The following ZNF549 variants were observed in gnomAD, a reference collection of about 807,000 sequenced individuals.
The protein encoded by ZNF549 is zinc finger protein 549.
In ZNF549, 11 loss-of-function variants were observed where a neutral mutation model predicts 11.1. The observed-to-expected ratio is 0.99, with a 90% CI of 0.62 to 1.64. ZNF549 has a LOEUF of 1.64. ZNF549 is among the 40% of genes most tolerant of loss of function. The pLI, the probability that ZNF549 is intolerant of heterozygous loss-of-function variation, is 0.00. For missense variants in ZNF549, 748 were observed against 765.1 expected, an observed-to-expected ratio of 0.98 and a Z score of 0.26; for synonymous variants, 266 against 269.1, an observed-to-expected ratio of 0.99 and a Z score of 0.11.
intron 2 of ZNF549, among the ~76,000 whole-genome samples, chr19:57,534,712 G>A (rs1170101956): frequency 6.6e-6 from 1 of 152,200 alleles, no homozygotes; most frequent in Admixed American, 6.5e-5. Flanking sequence ...AAGATGTGAG[G>A]TGGTGCTGGA....
chr19:57,537,775 C>T lies in ZNF549; in HGVS notation c.771C>T (p.Asn257=), dbSNP rs1403186980. The T allele has an allele frequency of 3.1e-6, 5 of 1,614,020 alleles. No homozygotes were observed. The highest frequency in any genetic ancestry group is 4.2e-6 in the Non-Finnish European group (5 of 1,180,032). Residue 257 remains asparagine, a synonymous_variant, in exon 4 of 4, where the codon AAC becomes AAT. Coordinates refer to ENST00000376233, the MANE Select transcript of ZNF549 (RefSeq NM_001199295.2). ...YKRREYGKSL[N]SKYLFVEHQR... is the part of the protein sequence containing the mutation. The stretch of plus-strand genomic sequence containing the variant: ...GTAGGGAATATGGGAAATCCTTGAA[C>T]TCTAAATACTTATTTGTTGAACACC...
Position 57,537,794 on chromosome 19 carries a change from G to T in ZNF549, c.790G>T (p.Glu264Ter). ...KSLNSKYLFV[E>*]HQRTHNAEKP... is the part of the protein sequence containing the mutation. ...CTTGAACTCTAAATACTTATTTGTT[G>T]AACACCAGAGAACCCATAATGCAGA... is the stretch of plus-strand genomic sequence containing the variant. Residue 264 changes from glutamate to a stop codon, truncating the protein, a stop_gained, in exon 4 of 4, where the codon GAA becomes TAA. Coordinates refer to ENST00000376233, the MANE Select transcript of ZNF549 (RefSeq NM_001199295.2). LOFTEE classifies it low-confidence loss of function (END_TRUNC). 1 of 1,614,142 alleles carries T rather than the reference G, an allele frequency of 6.2e-7. No homozygotes were observed. The highest frequency in any genetic ancestry group is 1.1e-5 in the South Asian group (1 of 91,068).
chr19:57,527,435 A>G lies in ZNF549; in HGVS notation c.-139A>G, dbSNP rs2089882148. 2.4e-6 allele frequency: 3 copies of G among 1,232,830 alleles called. No homozygotes were observed. Among genetic ancestry groups the G allele is most frequent in the Middle Eastern group, 2.7e-4 (1 of 3,734 alleles). The allele number at this position is 1,232,830 out of a possible 1,614,324, so 76.4% of individuals were successfully genotyped here. ...CCGGGCCAGGTAACTGGAGCCGGAAACCGGTGGAGGTGGTGTCCGCCCGCA... is the reference window on the plus strand; with the variant it reads ...CCGGGCCAGGTAACTGGAGCCGGAAGCCGGTGGAGGTGGTGTCCGCCCGCA... On this transcript the variant is annotated 5_prime_UTR_variant, in exon 1 of 4. Coordinates refer to ENST00000376233, the MANE Select transcript of ZNF549 (RefSeq NM_001199295.2).
In ZNF549 at chr19:57,534,996, G is replaced by C. The variant is rs537114842; in HGVS notation, c.73-148G>C. On this transcript the variant is annotated intron_variant, in intron 2 of 3. Coordinates refer to ENST00000376233, the MANE Select transcript of ZNF549 (RefSeq NM_001199295.2). Reference sequence around the variant, plus strand: ...GGTGAACTAGCAGGAGCATGGATGAGATTCCATGATGTAAGGCCCAGAGCC... The same window carrying C: ...GGTGAACTAGCAGGAGCATGGATGACATTCCATGATGTAAGGCCCAGAGCC... 38 of 981,940 alleles carry C rather than the reference G, an allele frequency of 3.9e-5. No individual in the cohort carries two copies. The African/African-American group carries it at 6.0e-4, about 15-fold the overall frequency. The allele number at this position is 981,940 out of a possible 1,614,324, so 60.8% of individuals were successfully genotyped here.
chr19:57,532,767 A>G (rs914372483), intron 2 of ZNF549, among the ~76,000 whole-genome samples: 1 of 152,118 alleles, frequency 6.6e-6, no homozygotes, highest in Non-Finnish European at 1.5e-5. Flanking sequence ...GGTGTTGTTG[A>G]ATTCAGTTAA....
rs763257601 is a variant in ZNF549, at chr19:57,537,213, A to T, written c.209A>T (p.His70Leu). 1.2e-6 allele frequency: 2 copies of T among 1,609,944 alleles called. No individual in the cohort carries two copies. The change falls in exon 4 of 4, where the codon CAT (histidine) becomes CTT (leucine). Residue 70 changes from histidine to leucine, a missense_variant. Coordinates refer to ENST00000376233, the MANE Select transcript of ZNF549 (RefSeq NM_001199295.2). ...ATTTTTATGCTTTTAGGTTGTTTGC[A>T]TGGAATAGAGGCTGAGGAGGCCCCT... ...FSLMASVGCLHGIEAEEAPSE... is the reference protein window; with the variant it reads ...FSLMASVGCLLGIEAEEAPSE...
intron 3 of ZNF549, among the ~76,000 whole-genome samples, chr19:57,536,117 C>T (rs2089923524): frequency 6.6e-6 from 1 of 152,178 alleles, no homozygotes; most frequent in African/African-American, 2.4e-5. Flanking sequence ...CACATCTCTC[C>T]TGTTCCTGTT....
At chr19:57,532,916 G>A (rs983687225) in intron 2 of ZNF549, among the ~76,000 whole-genome samples, 7 of 152,190 alleles carry the variant, frequency 4.6e-5, no homozygotes, top group African/African-American at 1.7e-4. Flanking sequence ...TCTGTGGTCA[G>A]GCATGTATGT....
chr19:57,537,900 C>G lies in ZNF549; in HGVS notation c.896C>G (p.Thr299Ser), dbSNP rs374122957. 1 of 1,613,708 alleles carries G rather than the reference C, an allele frequency of 6.2e-7. No individual in the cohort carries two copies. Among genetic ancestry groups the G allele is most frequent in the African/African-American group, 1.3e-5 (1 of 74,932 alleles). Residue 299 changes from threonine (T) to serine (S), a missense_variant, in exon 4 of 4, where the codon ACT becomes AGT. By Grantham distance (58) the Thr-to-Ser change is moderately conservative. Transcript: ENST00000376233. ...GTTGGGCACCAGCAGAGAATTCACA[C>G]TAGAGAAAGGTCTTATGTGTGCATC... The part of the protein sequence containing the change: ...TLVGHQQRIH[T>S]RERSYVCIEC...
At chr19:57,536,899 C>T (rs1005410231) in intron 3 of ZNF549, among the ~76,000 whole-genome samples, 1 of 151,954 alleles carries the variant, frequency 6.6e-6, no homozygotes, top group Non-Finnish European at 1.5e-5. Flanking sequence ...AGACCAGCCT[C>T]GACAACATAA....
chr19:57,527,981 G>A (rs566124140), intron 1 of ZNF549, among the ~76,000 whole-genome samples: 1 of 152,180 alleles, frequency 6.6e-6, no homozygotes, highest in African/African-American at 2.4e-5. Context: ...ATCTGAGTGA[G>A]GGTCTGAAAA....
chr19:57,535,163 A>C lies in ZNF549; in HGVS notation c.92A>C (p.Asp31Ala). The change falls in exon 3 of 4, where the codon GAT becomes GCT. Residue 31 changes from aspartate (D) to alanine (A), a missense_variant. Asp to Ala is a moderately radical substitution (Grantham distance 126). Transcript: ENST00000376233. ...ATGCAGGGCCATGTGACCTTTGAGG[A>C]TATTGCTGTGTACTTCTCCCAGGAG... ...KPSQGHVTFE[D>A]IAVYFSQEEW... 6.2e-7 allele frequency: 1 copy of C among 1,613,984 alleles called. No homozygotes were observed. The highest frequency in any genetic ancestry group is 8.5e-7 in the Non-Finnish European group (1 of 1,179,936).
chr19:57,538,669 G>A lies in ZNF549; in HGVS notation c.1665G>A (p.Lys555=). The change falls in exon 4 of 4, where the codon AAG becomes AAA. Residue 555 remains lysine (K), a synonymous_variant. Coordinates refer to ENST00000376233, the MANE Select transcript of ZNF549 (RefSeq NM_001199295.2). The part of the protein sequence containing the change: ...LEHQKVHTGE[K]PCECSECGKC... Reference sequence around the variant, plus strand: ...ACCAGAAAGTTCACACTGGCGAAAAGCCCTGTGAGTGCAGTGAATGTGGGA... The same window carrying A: ...ACCAGAAAGTTCACACTGGCGAAAAACCCTGTGAGTGCAGTGAATGTGGGA... The A allele has an allele frequency of 1.2e-6, 2 of 1,614,196 alleles. No individual in the cohort carries two copies. Among genetic ancestry groups the A allele is most frequent in the Non-Finnish European group, 1.7e-6 (2 of 1,180,014 alleles).
chr19:57,530,819 A>T (rs1401456733), intron 1 of ZNF549, among the ~76,000 whole-genome samples: 2 of 152,082 alleles, frequency 1.3e-5, no homozygotes, highest in Non-Finnish European at 2.9e-5. Flanking sequence ...CCAGAGTTTT[A>T]AAAAATGTTT....
Position 57,538,500 on chromosome 19 carries a change from G to A in ZNF549, c.1496G>A (p.Arg499Lys). 1 of 1,614,140 alleles carries A rather than the reference G, an allele frequency of 6.2e-7. No individual in the cohort carries two copies. Among genetic ancestry groups the A allele is most frequent in the Non-Finnish European group, 8.5e-7 (1 of 1,180,032 alleles). ...CATCACAAAATCCACACTAGAGAAA[G>A]GCCTTATGAATGCAGTGAATGTGGA... is the stretch of plus-strand genomic sequence containing the variant. ...LKHHKIHTRE[R>K]PYECSECGKG... Residue 499 changes from arginine to lysine, a missense_variant, in exon 4 of 4, where the codon AGG becomes AAG. Physicochemically the swap from Arg to Lys is conservative, Grantham distance 26. Transcript: ENST00000376233.
intron 1 of ZNF549, among the ~76,000 whole-genome samples, chr19:57,530,047 C>G (rs1859070): frequency 0.56 from 85,103 of 151,862 alleles, 24,106 homozygotes; most frequent in East Asian, 0.72. Context: ...GTGTGGGTAA[C>G]TGAAACTGCA....
At position 57,538,167 on chromosome 19, in the gene ZNF549, C is replaced by T; in HGVS notation, c.1163C>T (p.Ala388Val). ...RHQRVHTGEG[A>V]YQCSECGKSF... ...CAGAGAGTTCACACTGGAGAAGGGG[C>T]TTATCAGTGCAGTGAATGTGGGAAA... is the stretch of plus-strand genomic sequence containing the variant. Residue 388 changes from alanine (A) to valine (V), a missense_variant, in exon 4 of 4, where the codon GCT becomes GTT. Physicochemically the swap from Ala to Val is moderately conservative, Grantham distance 64. Transcript: ENST00000376233. The T allele has an allele frequency of 6.2e-7, 1 of 1,614,174 alleles. No individual in the cohort carries two copies. The highest frequency in any genetic ancestry group is 8.5e-7 in the Non-Finnish European group (1 of 1,180,034).
rs1159270280 is a variant in ZNF549, at chr19:57,538,960, T to C, written c.*33T>C. ...TGGGATGTGTAATTGTCTTATTCAC[T>C]GTAGGACACCAGAGAGCTGATTTTT... is the stretch of plus-strand genomic sequence containing the variant. On this transcript the variant is annotated 3_prime_UTR_variant, in exon 4 of 4. Transcript: ENST00000376233. The C allele has an allele frequency of 1.9e-6, 3 of 1,562,588 alleles. No homozygotes were observed. The highest frequency in any genetic ancestry group is 2.2e-5 in the East Asian group (1 of 44,504).
chr19:57,538,008 A>C lies in ZNF549; in HGVS notation c.1004A>C (p.Asn335Thr). 1.2e-6 allele frequency: 2 copies of C among 1,613,768 alleles called. No homozygotes were observed. Among genetic ancestry groups the C allele is most frequent in the Non-Finnish European group, 8.5e-7 (1 of 1,179,930 alleles). ...THNGEKPYVC[N>T]VCGKSFRHKQ... ...AATGGAGAAAAGCCTTATGTGTGCA[A>C]TGTATGTGGGAAATCATTCCGCCAC... Residue 335 changes from asparagine to threonine, a missense_variant, in exon 4 of 4, where the codon AAT (asparagine) becomes ACT (threonine). Transcript: ENST00000376233.
Sources: allele counts gnomAD v4.1 joint callset (sites outside exome capture counted in the v4.1 genomes callset), GRCh38; gene constraint gnomAD v4.1.1; transcripts MANE v1.5; gene names NCBI Gene and HGNC (gene_info 2026-07-23, HGNC 2026-07-21).